RIMS2: variants seen among roughly 807,000 people sequenced by gnomAD.
RIMS2 encodes regulating synaptic membrane exocytosis protein 2.
Under a neutral mutation model 174.4 loss-of-function variants are expected in RIMS2, and 59 were observed. The observed-to-expected ratio is 0.34, with a 90% CI of 0.27 to 0.42. The LOEUF (loss-of-function observed/expected upper bound fraction) is 0.42, where lower values mean the gene tolerates loss of function less well. Ranked by LOEUF, RIMS2 falls within the 10% of genes least tolerant of loss-of-function variation. RIMS2 has a pLI of 1.00. For missense variants in RIMS2, 1,620 were observed against 1,666.3 expected, an observed-to-expected ratio of 0.97 and a Z score of 0.48; for synonymous variants, 606 against 572.5, an observed-to-expected ratio of 1.06 and a Z score of -0.84.
chr8:104,160,210 A>G (rs1191549168), intron 19 of RIMS2, among the ~76,000 whole-genome samples: 1 of 152,146 alleles, frequency 6.6e-6, no homozygotes, highest in Non-Finnish European at 1.5e-5. Context: ...TCCAAATCCC[A>G]TCAGACTATA....
At chr8:103,602,202 T>C (rs575839265) in intron 1 of RIMS2, among the ~76,000 whole-genome samples, 40 of 152,214 alleles carry the variant, frequency 2.6e-4, no homozygotes, top group African/African-American at 8.4e-4. Context: ...TTAGCCAGGA[T>C]GGTCTCAATC....
At chr8:104,127,493 AT>A (rs2098441355) in intron 19 of RIMS2, among the ~76,000 whole-genome samples, 1 of 152,180 alleles carries the variant, frequency 6.6e-6, no homozygotes, top group South Asian at 2.1e-4. Context: ...TGTATATAGC[AT>A]TGTGTTAAGA....
intron 6 of RIMS2, among the ~76,000 whole-genome samples, chr8:103,914,186 G>A (rs569326577): frequency 2.0e-5 from 3 of 152,262 alleles, no homozygotes; most frequent in African/African-American, 7.2e-5. Context: ...AGGATTGCTT[G>A]AGCCCAGGGT....
intron 19 of RIMS2, among the ~76,000 whole-genome samples, chr8:104,052,196 A>G (rs2096798063): frequency 6.6e-6 from 1 of 152,220 alleles, no homozygotes; most frequent in African/African-American, 2.4e-5. Flanking sequence ...CCATTTGTCA[A>G]ATGTCACAGA....
chr8:103,960,349 C>T (rs2089553370), intron 14 of RIMS2, among the ~76,000 whole-genome samples: 1 of 152,156 alleles, frequency 6.6e-6, no homozygotes, highest in African/African-American at 2.4e-5. Flanking sequence ...AGGAAAAACA[C>T]AAACATGGTG....
intron 1 of RIMS2, among the ~76,000 whole-genome samples, chr8:103,691,029 C>T (rs2097017141): frequency 1.3e-5 from 2 of 152,094 alleles, no homozygotes. Context: ...GCTACTTTGT[C>T]TTGATTTCCT....
chr8:103,568,241 T>C (rs1006382385), intron 1 of RIMS2, among the ~76,000 whole-genome samples: 11 of 152,150 alleles, frequency 7.2e-5, no homozygotes, highest in Non-Finnish European at 1.6e-4. Flanking sequence ...GAGGTGGCAC[T>C]GATCTGTGAT....
In RIMS2 at chr8:103,779,239, C is replaced by T. The variant is rs187922301; in HGVS notation, c.698+12702C>T. Reference sequence around the variant, plus strand: ...TATTGTTTTCTTTTCTGTGCAGAAGCTTTTAAGCTTGATAGAATCCCATTT... The same window carrying T: ...TATTGTTTTCTTTTCTGTGCAGAAGTTTTTAAGCTTGATAGAATCCCATTT... On this transcript the variant is annotated intron_variant, in intron 3 of 23. Coordinates refer to ENST00000504942, the Ensembl canonical transcript of RIMS2. Among the ~76,000 whole-genome samples, 533 of 152,218 alleles carry T rather than the reference C, an allele frequency of 3.5e-3. 5 individuals are homozygous for T. The highest frequency in any genetic ancestry group is 4.8e-3 in the Non-Finnish European group (329 of 67,990).
chr8:104,012,510 A>T (rs2095795978), intron 17 of RIMS2, among the ~76,000 whole-genome samples: 1 of 152,044 alleles, frequency 6.6e-6, no homozygotes, highest in African/African-American at 2.4e-5. Context: ...TTTTGTGCTT[A>T]CAACTGGATG....
intron 1 of RIMS2, among the ~76,000 whole-genome samples, chr8:103,630,613 G>GTCTACA (rs1239895404): frequency 6.9e-6 from 1 of 144,952 alleles, no homozygotes; most frequent in East Asian, 2.1e-4. Context: ...AAACAAAGAT[G>GTCTACA]TCTACATGCT....
At chr8:103,501,557 C>G (rs1340778557) in intron 1 of RIMS2, 2 of 153,106 alleles carry the variant, frequency 1.3e-5, no homozygotes, top group African/African-American at 4.8e-5. Context: ...CTACCAGCAA[C>G]GCGGGACAGA....
intron 4 of RIMS2, among the ~76,000 whole-genome samples, chr8:103,895,565 G>A (rs901240296): frequency 6.6e-6 from 1 of 151,490 alleles, no homozygotes; most frequent in African/African-American, 2.4e-5. Context: ...GGGGATTAAG[G>A]CTTCAACACA....
At chr8:103,914,070 A>G (rs2076229876) in intron 6 of RIMS2, among the ~76,000 whole-genome samples, 1 of 152,174 alleles carries the variant, frequency 6.6e-6, no homozygotes, top group Non-Finnish European at 1.5e-5. Flanking sequence ...TAACTTACCC[A>G]TGGTCACAAG....
chr8:103,766,369 A>T (rs1279957203), exon 3 of RIMS2: 1 of 1,613,828 alleles, frequency 6.2e-7, no homozygotes, highest in African/African-American at 1.3e-5. Context: ...GAGGCACCTC[A>T]GGAGAAGAAA....
intron 19 of RIMS2, among the ~76,000 whole-genome samples, chr8:104,107,927 CAATA>C (rs2098104952): frequency 6.6e-6 from 1 of 151,518 alleles, no homozygotes; most frequent in Non-Finnish European, 1.5e-5. Context: ...GATCCTGTCT[CAATA>C]AATAATAAAT....
chr8:103,803,070 C>T (rs925244332), intron 3 of RIMS2, among the ~76,000 whole-genome samples: 10 of 152,022 alleles, frequency 6.6e-5, no homozygotes, highest in African/African-American at 2.4e-4. Flanking sequence ...TATAGATAAG[C>T]AATCCCTGCT....
At chr8:103,750,407 C>T (rs941408783) in intron 2 of RIMS2, among the ~76,000 whole-genome samples, 2 of 152,004 alleles carry the variant, frequency 1.3e-5, no homozygotes, top group Non-Finnish European at 2.9e-5. Flanking sequence ...AGTTATGATG[C>T]TTAAATTACA....
chr8:103,728,792 T>C (rs910592557), intron 2 of RIMS2, among the ~76,000 whole-genome samples: 2 of 131,044 alleles, frequency 1.5e-5, no homozygotes, highest in African/African-American at 6.0e-5. Context: ...GAAGGAATGG[T>C]GAATTTTCTC....
intron 11 of RIMS2, among the ~76,000 whole-genome samples, chr8:103,930,174 T>C (rs1284291903): frequency 6.6e-6 from 1 of 151,880 alleles, no homozygotes; most frequent in Non-Finnish European, 1.5e-5. Context: ...CTGATTCCAT[T>C]TGGCAAAAAA....
Sources: gnomAD v4.1 joint callset for allele counts (sites outside exome capture counted in the v4.1 genomes callset) on GRCh38, gnomAD v4.1.1 for gene constraint, MANE v1.5 for transcripts, NCBI Gene and HGNC (gene_info 2026-07-23, HGNC 2026-07-21) for gene names.